The following PCDH15 variants were observed in gnomAD, a reference collection of about 807,000 sequenced individuals.
PCDH15 encodes protocadherin related 15, also known as protocadherin-15.
A neutral mutation model predicts 178.5 loss-of-function variants in PCDH15; 129 were observed. That is an observed-to-expected ratio of 0.72 (90% CI 0.63 to 0.84). PCDH15 has a LOEUF of 0.84. Ranked by LOEUF, PCDH15 falls within the 40% of genes least tolerant of loss-of-function variation. PCDH15 has a pLI of 0.00. For synonymous variants in PCDH15, 800 were observed against 732.0 expected, an observed-to-expected ratio of 1.09 and a Z score of -1.50; for missense variants, 2,230 against 2,099.9, an observed-to-expected ratio of 1.06 and a Z score of -1.21.
At chr10:53,888,702 T>TATATATATATATATAAA (rs1554845542) in intron 26 of PCDH15, among the ~76,000 whole-genome samples, 1 of 46,202 alleles carries the variant, frequency 2.2e-5, no homozygotes, top group Non-Finnish European at 4.5e-5. Flanking sequence ...TATATATATA[T>TATATATATATATATAAA]ATCTCCTGTG....
intron 3 of PCDH15, among the ~76,000 whole-genome samples, chr10:54,883,958 A>T (rs1176666667): frequency 1.3e-5 from 2 of 152,020 alleles, no homozygotes; most frequent in African/African-American, 4.8e-5. Context: ...TTTATGTTTC[A>T]GCTTAATTTA....
intron 15 of PCDH15, among the ~76,000 whole-genome samples, chr10:54,127,538 C>T (rs753640042): frequency 6.6e-6 from 1 of 152,102 alleles, no homozygotes; most frequent in Non-Finnish European, 1.5e-5. Context: ...TACCTTTGCT[C>T]AACATATAAT....
intron 30 of PCDH15, among the ~76,000 whole-genome samples, chr10:53,829,700 T>C (rs932265785): frequency 2.1e-4 from 32 of 152,130 alleles, no homozygotes; most frequent in Non-Finnish European, 3.7e-4. Context: ...GTAGAAAATA[T>C]TTCTGTAGTT....
At chr10:54,980,666 C>T (rs1467093224) in intron 2 of PCDH15, among the ~76,000 whole-genome samples, 1 of 151,954 alleles carries the variant, frequency 6.6e-6, no homozygotes, top group Non-Finnish European at 1.5e-5. Flanking sequence ...ATGTCTTTTA[C>T]TTTCTGAGTA....
intron 2 of PCDH15, among the ~76,000 whole-genome samples, chr10:55,541,167 TG>T (rs1311887089): frequency 6.6e-6 from 1 of 152,034 alleles, no homozygotes; most frequent in Non-Finnish European, 1.5e-5. Context: ...GAAAGTAATC[TG>T]AATGTGGAAT....
At chr10:54,855,994 G>C (rs1220959600) in intron 3 of PCDH15, among the ~76,000 whole-genome samples, 1 of 152,142 alleles carries the variant, frequency 6.6e-6, no homozygotes, top group Admixed American at 6.5e-5. Context: ...CAAATAAACT[G>C]TTTGAGGAAT....
At chr10:55,577,794 G>A (rs1842524647) in intron 2 of PCDH15, among the ~76,000 whole-genome samples, 1 of 152,170 alleles carries the variant, frequency 6.6e-6, no homozygotes, top group Non-Finnish European at 1.5e-5. Flanking sequence ...TGTGAATTCA[G>A]TTGTTAATTT....
intron 3 of PCDH15, among the ~76,000 whole-genome samples, chr10:54,384,880 C>T (rs762863436): frequency 6.6e-6 from 1 of 151,960 alleles, no homozygotes; most frequent in Non-Finnish European, 1.5e-5. Flanking sequence ...AAAGACAACC[C>T]ACATATTCAA....
At chr10:54,240,020 T>C (rs930497435) in intron 8 of PCDH15, among the ~76,000 whole-genome samples, 20 of 152,156 alleles carry the variant, frequency 1.3e-4, no homozygotes, top group Admixed American at 1.1e-3. Flanking sequence ...TATAAAGATA[T>C]GTAGCATTGA....
intron 1 of PCDH15, among the ~76,000 whole-genome samples, chr10:55,222,730 C>CATATATATATATATATATAT (rs142618720): frequency 1.2e-3 from 149 of 121,162 alleles, no homozygotes; most frequent in Non-Finnish European, 1.6e-3. Flanking sequence ...CACACACACA[C>CATATATATATATATATATAT]ATATATATAT....
At chr10:54,986,374 A>T (rs1259361036) in intron 2 of PCDH15, among the ~76,000 whole-genome samples, 1 of 152,204 alleles carries the variant, frequency 6.6e-6, no homozygotes, top group Non-Finnish European at 1.5e-5. Context: ...TATCTGGAAA[A>T]GTACAACTCC....
At chr10:55,300,722 C>T (rs1240258190) in intron 1 of PCDH15, among the ~76,000 whole-genome samples, 1 of 152,076 alleles carries the variant, frequency 6.6e-6, no homozygotes, top group Non-Finnish European at 1.5e-5. Flanking sequence ...TTTTATATCA[C>T]ACAACATGCT....
intron 2 of PCDH15, among the ~76,000 whole-genome samples, chr10:55,440,819 G>A (rs993578117): frequency 1.3e-5 from 2 of 152,136 alleles, no homozygotes; most frequent in South Asian, 2.1e-4. Flanking sequence ...AGCAGCTGGG[G>A]AAGCCTCACA....
intron 8 of PCDH15, among the ~76,000 whole-genome samples, chr10:54,293,437 C>T (rs114819951): frequency 0.012 from 1,760 of 152,254 alleles, 32 homozygotes; most frequent in African/African-American, 0.037. Flanking sequence ...ACACCAAAAG[C>T]AATGGCACTA....
At chr10:55,616,311 GGTAAAACAA>G (rs1382493541) in intron 2 of PCDH15, among the ~76,000 whole-genome samples, 1 of 151,834 alleles carries the variant, frequency 6.6e-6, no homozygotes, top group Non-Finnish European at 1.5e-5. Context: ...GCATAATATT[GGTAAAACAA>G]TTGTATGGTA....
intron 2 of PCDH15, among the ~76,000 whole-genome samples, chr10:55,065,751 C>T (rs532346258): frequency 2.0e-5 from 3 of 151,950 alleles, no homozygotes; most frequent in East Asian, 3.9e-4. Context: ...ATAGTTAGAC[C>T]AGTTTATTTA....
chr10:53,811,667 GT>G, intron 35 of PCDH15, 48 bp from the exon 36 acceptor site: 1 of 1,238,966 alleles, frequency 8.1e-7, no homozygotes, highest in South Asian at 1.6e-5. Context: ...TTCTTATCAC[GT>G]TTCAGGTCAA....
chr10:55,053,966 G>A (rs1336596133), intron 2 of PCDH15, among the ~76,000 whole-genome samples: 1 of 152,146 alleles, frequency 6.6e-6, no homozygotes, highest in Non-Finnish European at 1.5e-5. Context: ...GCAGTGAAGG[G>A]AATAAGAAGT....
At chr10:54,876,279 T>C (rs187353559) in intron 3 of PCDH15, among the ~76,000 whole-genome samples, 132 of 152,270 alleles carry the variant, frequency 8.7e-4, no homozygotes, top group African/African-American at 3.1e-3. Context: ...TTACTCACAA[T>C]GTTCCTAGTA....
Sources: allele counts gnomAD v4.1 joint callset (sites outside exome capture counted in the v4.1 genomes callset), GRCh38; gene constraint gnomAD v4.1.1; transcripts MANE v1.5; gene names NCBI Gene and HGNC (gene_info 2026-07-23, HGNC 2026-07-21).